RAPGEF6: variants seen among roughly 807,000 people sequenced by gnomAD.
RAPGEF6 encodes the protein PDZ domain containing guanine nucleotide exchange factor (GEF) 2.
Under a neutral mutation model 171.4 loss-of-function variants are expected in RAPGEF6, and 56 were observed. The observed-to-expected ratio is 0.33, with a 90% CI of 0.26 to 0.41. The LOEUF is 0.41. RAPGEF6 is among the 10% of genes least tolerant of loss of function. The pLI is 1.00. For missense variants in RAPGEF6, 1,674 were observed against 1,921.4 expected, an observed-to-expected ratio of 0.87 and a Z score of 2.41; for synonymous variants, 692 against 650.1, an observed-to-expected ratio of 1.06 and a Z score of -0.98.
intron 6 of RAPGEF6, among the ~76,000 whole-genome samples, chr5:131,528,056 TATA>T (rs1275875582): frequency 8.6e-6 from 1 of 116,316 alleles, no homozygotes; most frequent in East Asian, 2.2e-4. Flanking sequence ...TTATATATAA[TATA>T]ATATATAAAT....
chr5:131,510,278 T>C (rs1757632255), intron 8 of RAPGEF6, 36 bp downstream of exon 8: 1 of 1,557,016 alleles, frequency 6.4e-7, no homozygotes, highest in Admixed American at 1.9e-5. Context: ...ATAAATTAAG[T>C]TACAAATTCT....
chr5:131,548,127 G>C lies in RAPGEF6; in HGVS notation c.415C>G (p.Arg139Gly). The change falls in exon 6 of 28, where the codon CGA becomes GGA. Residue 139 changes from arginine to glycine, a missense_variant. By Grantham distance (125) the Arg-to-Gly change is moderately radical. This residue lies in a region of RAPGEF6 where 1,116 missense variants were observed against 1,321.5 expected (regional missense o/e 0.84). Coordinates refer to ENST00000509018, the MANE Select transcript of RAPGEF6 (RefSeq NM_016340.6). ...LQREIPARQS[R>G]RRFRKINYKG... ...TAGTTAATTTTCCGAAATCTTCTTC[G>C]GGATTGTCTGGCAGGAATTTCTCTT... 1.2e-6 allele frequency: 2 copies of C among 1,613,772 alleles called. No individual in the cohort carries two copies. The highest frequency in any genetic ancestry group is 1.3e-5 in the African/African-American group (1 of 74,964).
At position 131,537,743 on chromosome 5, in the gene RAPGEF6, A is replaced by G. The variant is rs144293205; in HGVS notation, c.495+10304T>C. ...AGCCCTCTGTGTCCATGGGTTCTGTACCTGCAGATTGAAGAAACTGCAGAC... is the reference window on the plus strand; with the variant it reads ...AGCCCTCTGTGTCCATGGGTTCTGTGCCTGCAGATTGAAGAAACTGCAGAC... On this transcript the variant is annotated intron_variant, in intron 6 of 27. Transcript: ENST00000509018. 3.8e-3 allele frequency among the ~76,000 whole-genome samples: 574 copies of G among 152,324 alleles called. 4 individuals carry two copies. Among genetic ancestry groups the G allele is most frequent in the African/African-American group, 0.013 (544 of 41,578 alleles).
intron 1 of RAPGEF6, among the ~76,000 whole-genome samples, chr5:131,629,920 G>A (rs1766194022): frequency 6.6e-6 from 1 of 152,162 alleles, no homozygotes; most frequent in South Asian, 2.1e-4. Context: ...TGCTCCTGGT[G>A]AAGATGATGT....
chr5:131,472,617 T>C lies in RAPGEF6; in HGVS notation c.2209A>G (p.Thr737Ala). ...GGATTGGAAAAATCCAACATACTGG[T>C]GGTAGGCTGCAGGAGATCAGGGCTG... ...SSSPDLLQPT[T>A]SMLDFSNPSD... Residue 737 changes from threonine to alanine, a missense_variant, in exon 17 of 28, where the codon ACC (threonine) becomes GCC (alanine). Transcript: ENST00000509018. 6.2e-7 allele frequency: 1 copy of C among 1,614,078 alleles called. No homozygotes were observed. Among genetic ancestry groups the C allele is most frequent in the Middle Eastern group, 1.6e-4 (1 of 6,062 alleles).
At chr5:131,516,497 T>C (rs1048349733) in intron 7 of RAPGEF6, among the ~76,000 whole-genome samples, 1 of 151,990 alleles carries the variant, frequency 6.6e-6, no homozygotes, top group African/African-American at 2.4e-5. Flanking sequence ...GCCATAGAGG[T>C]GGTAACTGAA....
At chr5:131,488,023 C>A (rs1049752556) in intron 15 of RAPGEF6, among the ~76,000 whole-genome samples, 2 of 152,122 alleles carry the variant, frequency 1.3e-5, no homozygotes, top group African/African-American at 4.8e-5. Flanking sequence ...TAAATCTAAA[C>A]ATGAGGTATT....
chr5:131,587,896 A>G (rs1210020718), intron 4 of RAPGEF6, among the ~76,000 whole-genome samples: 1 of 152,146 alleles, frequency 6.6e-6, no homozygotes, highest in Non-Finnish European at 1.5e-5. Flanking sequence ...AAATCTGGAA[A>G]GGCCTTGCTG....
intron 6 of RAPGEF6, among the ~76,000 whole-genome samples, chr5:131,531,632 T>C (rs1350618169): frequency 6.6e-6 from 1 of 152,216 alleles, no homozygotes; most frequent in Non-Finnish European, 1.5e-5. Flanking sequence ...ATTTCACTGC[T>C]CAAGAATTAT....
At chr5:131,463,932 T>C (rs1754131817) in intron 18 of RAPGEF6, 109 bp downstream of exon 18, 2 of 1,468,774 alleles carry the variant, frequency 1.4e-6, no homozygotes, top group Non-Finnish European at 1.8e-6. Flanking sequence ...CTGGAGTGAA[T>C]TTAGGAGCAC....
intron 4 of RAPGEF6, among the ~76,000 whole-genome samples, chr5:131,585,949 T>C (rs1052390071): frequency 2.6e-5 from 4 of 152,210 alleles, no homozygotes; most frequent in African/African-American, 7.2e-5. Flanking sequence ...CATATGTTGA[T>C]TGAGGTCTTA....
intron 5 of RAPGEF6, among the ~76,000 whole-genome samples, chr5:131,557,432 G>A (rs867416221): frequency 2.0e-5 from 3 of 152,134 alleles, no homozygotes; most frequent in African/African-American, 4.8e-5. Flanking sequence ...AGTATCCAAC[G>A]ACCTTGTTGA....
At chr5:131,628,990 G>C (rs1410309346) in intron 1 of RAPGEF6, among the ~76,000 whole-genome samples, 1 of 152,170 alleles carries the variant, frequency 6.6e-6, no homozygotes, top group Non-Finnish European at 1.5e-5. Flanking sequence ...GGAGATTAGT[G>C]ATTTTTTTCA....
At chr5:131,440,262 T>C (rs1163341794) in intron 23 of RAPGEF6, 5 of 456,118 alleles carry the variant, frequency 1.1e-5, no homozygotes, top group African/African-American at 8.0e-5. Context: ...GAAAAAATCA[T>C]GAATGTATAG....
chr5:131,560,312 A>G (rs943330663), intron 5 of RAPGEF6, among the ~76,000 whole-genome samples: 8 of 152,212 alleles, frequency 5.3e-5, no homozygotes, highest in African/African-American at 1.9e-4. Flanking sequence ...AGGGAATTTG[A>G]TATTATCCAA....
At chr5:131,540,645 T>C (rs1003816118) in intron 6 of RAPGEF6, among the ~76,000 whole-genome samples, 1 of 152,226 alleles carries the variant, frequency 6.6e-6, no homozygotes, top group Non-Finnish European at 1.5e-5. Flanking sequence ...AACTAAAGTA[T>C]GCAAACACCA....
rs1418151369 is a variant in RAPGEF6 at position 131,524,059 on chromosome 5, A to C, written c.496-2538T>G. Among the ~76,000 whole-genome samples, 3 of 152,166 alleles carry C rather than the reference A, an allele frequency of 2.0e-5. No individual in the cohort carries two copies. In the East Asian group the frequency reaches 5.8e-4, roughly 29 times the overall value. On this transcript the variant is annotated intron_variant, in intron 6 of 27. Coordinates refer to ENST00000509018, the MANE Select transcript of RAPGEF6 (RefSeq NM_016340.6). ...TCTATACCTAGCAAAAACAGTCCTC[A>C]AAAAAGGGAAAAAATAATTTTCAAA...
intron 20 of RAPGEF6, among the ~76,000 whole-genome samples, chr5:131,455,485 C>G (rs916266358): frequency 6.6e-6 from 1 of 152,208 alleles, no homozygotes; most frequent in Non-Finnish European, 1.5e-5. Flanking sequence ...GTCTTGATCT[C>G]CCAACCTCAT....
At chr5:131,579,296 G>A (rs983985827) in intron 4 of RAPGEF6, among the ~76,000 whole-genome samples, 1 of 152,214 alleles carries the variant, frequency 6.6e-6, no homozygotes, top group Non-Finnish European at 1.5e-5. Context: ...AGAGTGAGCA[G>A]CAGCAAGATT....
Sources: gnomAD v4.1 joint callset for allele counts (sites outside exome capture counted in the v4.1 genomes callset) on GRCh38, gnomAD v4.1.1 for gene constraint, gnomAD v4.1.1 regional missense constraint, MANE v1.5 for transcripts, NCBI Gene and HGNC (gene_info 2026-07-23, HGNC 2026-07-21) for gene names.